The following GFI1B variants were observed in gnomAD, a reference collection of about 807,000 sequenced individuals.
GFI1B encodes the protein growth factor independent 1B transcriptional repressor, also known as zinc finger protein Gfi-1b.
A neutral mutation model predicts 35.3 loss-of-function variants in GFI1B; 20 were observed. The observed-to-expected ratio is 0.57, with a 90% CI of 0.40 to 0.82. The LOEUF (loss-of-function observed/expected upper bound fraction) is 0.82. Ranked by LOEUF, GFI1B falls within the 40% of genes least tolerant of loss-of-function variation. The probability of loss-of-function intolerance (pLI) is 0.00; values close to 1 mark genes in which losing one functional copy is unlikely to be tolerated. For missense variants in GFI1B, 430 were observed against 446.3 expected (o/e 0.96, Z 0.33); for synonymous variants, 178 against 177.6 (o/e 1.00, Z -0.02).
In GFI1B at chr9:132,983,282, C is replaced by T. The variant is rs140282338; in HGVS notation, c.-20-3377C>T. ...TGTGATCTCGGCTCACTGCAACCTC[C>T]GCCTCCCGGGTTCAAGCGATTCTCC... On this transcript the variant is annotated intron_variant, in intron 1 of 6. Transcript: ENST00000372122. Among the ~76,000 whole-genome samples, 1,237 of 145,892 alleles carry T rather than the reference C, an allele frequency of 8.5e-3. 21 individuals carry two copies. Among genetic ancestry groups the T allele is most frequent in the African/African-American group, 0.03 (1,176 of 39,124 alleles).
At chr9:132,981,847 G>A (rs945808832) in intron 1 of GFI1B, among the ~76,000 whole-genome samples, 1 of 152,042 alleles carries the variant, frequency 6.6e-6, no homozygotes, top group Admixed American at 6.6e-5. Flanking sequence ...CCGCCTTCTG[G>A]GTTCAAGTGA....
intron 1 of GFI1B, among the ~76,000 whole-genome samples, chr9:132,948,265 C>G (rs1848151880): frequency 6.6e-6 from 1 of 152,094 alleles, no homozygotes; most frequent in African/African-American, 2.4e-5. Context: ...TGTGGCCTCT[C>G]CCTTCCCCCG....
At chr9:132,975,379 C>G (rs1467637459), upstream of GFI1B, among the ~76,000 whole-genome samples, 1 of 152,194 alleles carries the variant, frequency 6.6e-6, no homozygotes, top group Non-Finnish European at 1.5e-5. Flanking sequence ...GGACCTCCAG[C>G]TCTTAGCACA....
intron 1 of GFI1B, among the ~76,000 whole-genome samples, chr9:132,971,793 G>A (rs1848535154): frequency 1.3e-5 from 2 of 151,888 alleles, no homozygotes; most frequent in African/African-American, 4.8e-5. Context: ...GGCCAACATG[G>A]CAAACCCCTG....
chr9:132,979,159 A>T (rs749490832), intron 1 of GFI1B, among the ~76,000 whole-genome samples: 3 of 151,594 alleles, frequency 2.0e-5, no homozygotes, highest in Non-Finnish European at 4.4e-5. Flanking sequence ...GGCAGTGCTC[A>T]GGGAGACACA....
At chr9:132,945,959 C>T (rs935650611) in intron 1 of GFI1B, among the ~76,000 whole-genome samples, 2 of 152,162 alleles carry the variant, frequency 1.3e-5, no homozygotes, top group African/African-American at 4.8e-5. Context: ...GTAGCCAGCA[C>T]CGTGGGTGCC....
intron 1 of GFI1B, among the ~76,000 whole-genome samples, chr9:132,956,545 A>G (rs1377192798): frequency 1.3e-5 from 2 of 152,226 alleles, no homozygotes; most frequent in Admixed American, 6.5e-5. Flanking sequence ...CTTCCCTGCC[A>G]AAGTACAGCA....
chr9:132,948,391 T>G (rs1445602378), intron 1 of GFI1B, among the ~76,000 whole-genome samples: 3 of 152,216 alleles, frequency 2.0e-5, no homozygotes, highest in African/African-American at 7.2e-5. Context: ...AGCTTTGCCC[T>G]GGCCTTCCAA....
At chr9:132,961,441 A>C (rs1848362392) in intron 1 of GFI1B, among the ~76,000 whole-genome samples, 1 of 151,754 alleles carries the variant, frequency 6.6e-6, no homozygotes, top group Non-Finnish European at 1.5e-5. Flanking sequence ...AAAACAACAG[A>C]AAAAAGGCAT....
At position 132,987,372 on chromosome 9, in the gene GFI1B, C is replaced by G. The variant is rs755483011; in HGVS notation, c.191C>G (p.Pro64Arg). 2.5e-6 allele frequency: 4 copies of G among 1,614,140 alleles called. No individual in the cohort carries two copies. In the African/African-American group the frequency reaches 5.3e-5, roughly 22 times the overall value. ...CLDWTNLKRE[P>R]ELEQDQNLAR... ...GACTGGACCAACCTCAAACGAGAGCCGGAGCTGGAGCAGGACCAGAACTTG... is the reference window on the plus strand; with the variant it reads ...GACTGGACCAACCTCAAACGAGAGCGGGAGCTGGAGCAGGACCAGAACTTG... The change falls in exon 3 of 7, where the codon CCG (proline) becomes CGG (arginine). Residue 64 changes from proline (P) to arginine (R), a missense_variant. Transcript: ENST00000372122.
intron 1 of GFI1B, among the ~76,000 whole-genome samples, chr9:132,971,969 G>C (rs1203987547): frequency 1.3e-5 from 1 of 79,438 alleles, no homozygotes; most frequent in Non-Finnish European, 2.5e-5. Context: ...GCAAGACTCT[G>C]TCTAAAAAAA....
Position 132,964,921 on chromosome 9 carries a change from G to A in GFI1B, c.-700-7804G>A, listed in dbSNP as rs554958447. ...TGCCCGGCTAATTTTTGTATTTTTAGTAGAGATGGGGTTTCGCCATGTTGG... is the reference window on the plus strand; with the variant it reads ...TGCCCGGCTAATTTTTGTATTTTTAATAGAGATGGGGTTTCGCCATGTTGG... On this transcript the variant is annotated intron_variant, in intron 1 of 10. Coordinates refer to the GFI1B transcript ENST00000339463. Among the ~76,000 whole-genome samples, 5 of 151,998 alleles carry A rather than the reference G, an allele frequency of 3.3e-5. No individual in the cohort carries two copies. In the East Asian group the frequency reaches 9.7e-4, roughly 29 times the overall value.
rs752674536 is a variant in GFI1B at position 132,990,933 on chromosome 9, C to T, written c.876C>T (p.Ile292=). The T allele has an allele frequency of 1.2e-6, 2 of 1,614,200 alleles. No homozygotes were observed. The highest frequency in any genetic ancestry group is 4.5e-5 in the East Asian group (2 of 44,886). Reference sequence around the variant, plus strand: ...CCTTCAGCCAGAGCTCCAACCTCATCACCCACAGCCGCAAGCACACAGGCT... The same window carrying T: ...CCTTCAGCCAGAGCTCCAACCTCATTACCCACAGCCGCAAGCACACAGGCT... ...GKAFSQSSNL[I]THSRKHTGFK... is the part of the protein sequence containing the mutation. Residue 292 remains isoleucine, a synonymous_variant, in exon 7 of 7, where the codon ATC becomes ATT. Coordinates refer to ENST00000372122, the MANE Select transcript of GFI1B (RefSeq NM_001377304.1).
chr9:132,968,576 T>C (rs549686405), intron 1 of GFI1B, among the ~76,000 whole-genome samples: 138 of 152,310 alleles, frequency 9.1e-4, no homozygotes, highest in African/African-American at 2.6e-3. Context: ...ATTAATTCGC[T>C]TTTTTGTTTG....
intron 1 of GFI1B, among the ~76,000 whole-genome samples, chr9:132,972,433 A>G (rs1175880669): frequency 1.3e-5 from 2 of 151,894 alleles, no homozygotes; most frequent in Non-Finnish European, 2.9e-5. Context: ...AAAACAAACA[A>G]ACAAAAATTA....
chr9:132,948,054 CA>C (rs1356813942), intron 1 of GFI1B, among the ~76,000 whole-genome samples: 2 of 152,114 alleles, frequency 1.3e-5, no homozygotes, highest in Non-Finnish European at 1.5e-5. Context: ...ACGGTTCGTC[CA>C]CAAGGACTCA....
At chr9:132,967,089 A>G (rs890108323) in intron 1 of GFI1B, among the ~76,000 whole-genome samples, 3 of 152,066 alleles carry the variant, frequency 2.0e-5, no homozygotes, top group Non-Finnish European at 2.9e-5. Flanking sequence ...GTTACCATGG[A>G]GAGAATTAGT....
intron 1 of GFI1B, among the ~76,000 whole-genome samples, chr9:132,950,930 C>T (rs548991162): frequency 2.0e-5 from 3 of 152,086 alleles, no homozygotes; most frequent in Admixed American, 6.5e-5. Context: ...CTTGACCTCC[C>T]GGGCTCAGAC....
At chr9:132,949,126 T>G (rs1848162456) in intron 1 of GFI1B, among the ~76,000 whole-genome samples, 1 of 152,212 alleles carries the variant, frequency 6.6e-6, no homozygotes, top group Non-Finnish European at 1.5e-5. Flanking sequence ...CTTTTTTCTC[T>G]GAAGCTGCTC....
Sources: allele counts gnomAD v4.1 joint callset (sites outside exome capture counted in the v4.1 genomes callset), GRCh38; gene constraint gnomAD v4.1.1; transcripts MANE v1.5; gene names NCBI Gene and HGNC (gene_info 2026-07-23, HGNC 2026-07-21).